Variants in FOXP2 observed in about 807,000 individuals in gnomAD.
The protein encoded by FOXP2 is forkhead box P2.
FOXP2 carries 12 observed loss-of-function variants against 115.8 expected under a neutral mutation model. The observed-to-expected ratio is 0.10, with a 90% CI of 0.07 to 0.17. The LOEUF (loss-of-function observed/expected upper bound fraction) is 0.17, where lower values mean the gene tolerates loss of function less well. Ranked by LOEUF, FOXP2 falls within the 10% of genes least tolerant of loss-of-function variation. FOXP2 has a pLI of 1.00. For missense variants in FOXP2, 629 were observed against 843.5 expected (o/e 0.75, Z 3.15); for synonymous variants, 328 against 297.7 (o/e 1.10, Z -1.05).
chr7:114,479,797 A>G (rs545776104), intron 2 of FOXP2, among the ~76,000 whole-genome samples: 70 of 151,674 alleles, frequency 4.6e-4, no homozygotes, highest in African/African-American at 1.7e-3. Flanking sequence ...AAAACTTAAC[A>G]CAACTGTCTT....
intron 2 of FOXP2, among the ~76,000 whole-genome samples, chr7:114,492,020 G>A (rs1315406940): frequency 6.6e-6 from 1 of 152,080 alleles, no homozygotes; most frequent in African/African-American, 2.4e-5. Context: ...GGTAGAATTC[G>A]GCTGTGAATC....
At position 114,582,123 on chromosome 7, in the gene FOXP2, A is replaced by T. The variant is rs150524514; in HGVS notation, c.259-46417A>T. On this transcript the variant is annotated intron_variant, in intron 3 of 16. Coordinates refer to ENST00000350908, the MANE Select transcript of FOXP2 (RefSeq NM_014491.4). ...TGAAAAGACTAAAAATGCAAGAGGG[A>T]AAACAAAGTATTGAAACAAGGTCTG... 1.8e-3 allele frequency among the ~76,000 whole-genome samples: 270 copies of T among 152,288 alleles called. 1 individual carries two copies. Among genetic ancestry groups the T allele is most frequent in the African/African-American group, 6.4e-3 (267 of 41,560 alleles).
At chr7:114,394,102 A>G (rs760344036) in intron 2 of FOXP2, among the ~76,000 whole-genome samples, 1 of 151,998 alleles carries the variant, frequency 6.6e-6, no homozygotes, top group Non-Finnish European at 1.5e-5. Flanking sequence ...CCTAGGACCC[A>G]GATCTTCCTT....
intron 2 of FOXP2, among the ~76,000 whole-genome samples, chr7:114,393,381 G>T (rs1400576571): frequency 6.6e-6 from 1 of 151,944 alleles, no homozygotes; most frequent in Non-Finnish European, 1.5e-5. Context: ...GTGTGATGGA[G>T]CTACAGTGAC....
chr7:114,323,813 G>A (rs1283472146), intron 2 of FOXP2, among the ~76,000 whole-genome samples: 1 of 151,886 alleles, frequency 6.6e-6, no homozygotes, highest in East Asian at 1.9e-4. Context: ...TTTGTCTTTA[G>A]CATTTTATTG....
chr7:114,492,018 T>G (rs908219550), intron 2 of FOXP2, among the ~76,000 whole-genome samples: 7 of 152,198 alleles, frequency 4.6e-5, no homozygotes, highest in African/African-American at 1.7e-4. Flanking sequence ...CTGGTAGAAT[T>G]CGGCTGTGAA....
chr7:114,407,219 T>C (rs1793056350), intron 2 of FOXP2, among the ~76,000 whole-genome samples: 1 of 152,058 alleles, frequency 6.6e-6, no homozygotes, highest in African/African-American at 2.4e-5. Context: ...AAGAAATTCA[T>C]AAATAAATAG....
chr7:114,352,345 G>A (rs1362174148), intron 2 of FOXP2, among the ~76,000 whole-genome samples: 2 of 152,100 alleles, frequency 1.3e-5, no homozygotes, highest in Admixed American at 1.3e-4. Flanking sequence ...TGTACTTTGG[G>A]CCTCAAAACG....
chr7:114,290,203 T>A (rs994550979), intron 2 of FOXP2, among the ~76,000 whole-genome samples: 1 of 151,962 alleles, frequency 6.6e-6, no homozygotes, highest in Non-Finnish European at 1.5e-5. Context: ...AACCTCCTAT[T>A]TTCAAACAAT....
At chr7:114,307,407 A>G (rs74904639) in intron 2 of FOXP2, among the ~76,000 whole-genome samples, 1 of 152,114 alleles carries the variant, frequency 6.6e-6, no homozygotes, top group African/African-American at 2.4e-5. Context: ...AGTTAATGAC[A>G]TGCACAATGG....
At chr7:114,220,049 T>C (rs937487923) in intron 1 of FOXP2, among the ~76,000 whole-genome samples, 15 of 150,922 alleles carry the variant, frequency 9.9e-5, no homozygotes, top group Non-Finnish European at 1.5e-4. Flanking sequence ...TTTTTTTTTT[T>C]CAGTAGAGAC....
At chr7:114,269,116 A>G (rs961797882) in intron 1 of FOXP2, among the ~76,000 whole-genome samples, 2 of 152,182 alleles carry the variant, frequency 1.3e-5, no homozygotes, top group African/African-American at 4.8e-5. Flanking sequence ...CCTATACTTT[A>G]TGCACAAGAT....
intron 1 of FOXP2, among the ~76,000 whole-genome samples, chr7:114,092,380 AGAAATAT>A (rs533774809): frequency 6.6e-4 from 101 of 152,152 alleles, no homozygotes; most frequent in African/African-American, 2.4e-3. Context: ...GAATGCTACT[AGAAATAT>A]CTTAAAGATT....
At chr7:114,485,826 A>G (rs1345453266) in intron 2 of FOXP2, among the ~76,000 whole-genome samples, 1 of 152,174 alleles carries the variant, frequency 6.6e-6, no homozygotes, top group African/African-American at 2.4e-5. Context: ...ATAAGTAATG[A>G]TGTGTATAAC....
intron 2 of FOXP2, among the ~76,000 whole-genome samples, chr7:114,408,595 T>C (rs1347970247): frequency 6.6e-6 from 1 of 151,944 alleles, no homozygotes; most frequent in Non-Finnish European, 1.5e-5. Flanking sequence ...GGCATGGTGG[T>C]GCATGTCTGT....
chr7:114,495,946 T>G (rs1305689989), intron 2 of FOXP2, among the ~76,000 whole-genome samples: 1 of 152,170 alleles, frequency 6.6e-6, no homozygotes, highest in Non-Finnish European at 1.5e-5. Context: ...CCAAAACATT[T>G]TTTTTCTTTA....
intron 3 of FOXP2, among the ~76,000 whole-genome samples, chr7:114,623,777 A>G (rs899613624): frequency 6.6e-6 from 1 of 151,972 alleles, no homozygotes; most frequent in African/African-American, 2.4e-5. Flanking sequence ...TCTTAAAGTA[A>G]TAGTAGAAAT....
chr7:114,439,735 ATG>A (rs3997244), intron 2 of FOXP2, among the ~76,000 whole-genome samples: 20 of 149,600 alleles, frequency 1.3e-4, no homozygotes, highest in East Asian at 3.9e-4. Context: ...GTGTATATAG[ATG>A]TGTGTGTGTG....
intron 2 of FOXP2, among the ~76,000 whole-genome samples, chr7:114,335,545 C>T (rs527733711): frequency 6.6e-6 from 1 of 151,826 alleles, no homozygotes; most frequent in South Asian, 2.1e-4. Context: ...AACGCTGTAT[C>T]ATACATGAGA....
Sources: gnomAD v4.1 joint callset for allele counts (sites outside exome capture counted in the v4.1 genomes callset) on GRCh38, gnomAD v4.1.1 for gene constraint, MANE v1.5 for transcripts, NCBI Gene and HGNC (gene_info 2026-07-23, HGNC 2026-07-21) for gene names.